Variants in TMEM59 observed in about 807,000 individuals in gnomAD.
The protein encoded by TMEM59 is transmembrane protein 59.
Under a neutral mutation model 42.2 loss-of-function variants are expected in TMEM59, and 44 were observed. The observed-to-expected ratio is 1.04, with a 90% confidence interval of 0.82 to 1.34. TMEM59 has a LOEUF of 1.34. Ranked by LOEUF, TMEM59 falls within the 40% of genes most tolerant of loss-of-function variation. The pLI is 0.00. For synonymous variants in TMEM59, 148 were observed against 145.8 expected, an observed-to-expected ratio of 1.02 and a Z score of -0.11; for missense variants, 359 against 382.8, an observed-to-expected ratio of 0.94 and a Z score of 0.52.
At chr1:54,046,694 A>T (rs1657349567) in intron 2 of TMEM59, among the ~76,000 whole-genome samples, 1 of 152,250 alleles carries the variant, frequency 6.6e-6, no homozygotes, top group Admixed American at 6.5e-5. Flanking sequence ...AAACAGTGTA[A>T]CGAGTGGAGA....
chr1:54,036,692 G>A lies in TMEM59; in HGVS notation c.734C>T (p.Thr245Ile). ...CAATACCATCACCGAGAGGACAAGA[G>A]TTGTAGTTAAAATCCACCCAGAGTT... ...SLNSGWILTTTLVLSVMVLLW... is the reference protein window; with the variant it reads ...SLNSGWILTTILVLSVMVLLW... The change falls in exon 7 of 8, where the codon ACT (threonine) becomes ATT (isoleucine). Residue 245 changes from threonine to isoleucine, a missense_variant. Thr to Ile is a moderately conservative substitution (Grantham distance 89, BLOSUM62 -1). Transcript: ENST00000234831. 6.2e-7 allele frequency: 1 copy of A among 1,603,036 alleles called. No individual in the cohort carries two copies. The highest frequency in any genetic ancestry group is 1.1e-5 in the South Asian group (1 of 89,014).
chr1:54,032,819 A>T (rs1656808483), intron 7 of TMEM59, among the ~76,000 whole-genome samples: 1 of 152,260 alleles, frequency 6.6e-6, no homozygotes, highest in South Asian at 2.1e-4. Context: ...GAAAGCATAA[A>T]ACAGAATCAC....
chr1:54,033,641 G>C (rs1029279541), intron 7 of TMEM59: 5 of 149,048 alleles, frequency 3.4e-5, no homozygotes, highest in African/African-American at 1.2e-4. Context: ...AGATTCTGTT[G>C]TTAATCTACT....
chr1:54,043,282 C>T, intron 4 of TMEM59, 91 bp downstream of exon 4: 1 of 1,112,810 alleles, frequency 9.0e-7, no homozygotes, highest in Non-Finnish European at 1.2e-6. Flanking sequence ...TTGTAAGTGA[C>T]TGAGTATGGT....
chr1:54,032,994 T>G (rs948224858), intron 7 of TMEM59: 1 of 151,804 alleles, frequency 6.6e-6, no homozygotes, highest in African/African-American at 2.4e-5. Flanking sequence ...GGTGTGATCA[T>G]AGCTCACTAC....
intron 3 of TMEM59, chr1:54,044,769 C>G (rs190016573): frequency 6.6e-6 from 1 of 152,084 alleles, no homozygotes; most frequent in Non-Finnish European, 1.5e-5. Flanking sequence ...TAGGAACAAC[C>G]TACATGTTCA....
At chr1:54,032,408 A>T in intron 7 of TMEM59, 103 bp from the exon 8 acceptor site, 1 of 1,139,694 alleles carries the variant, frequency 8.8e-7, no homozygotes, top group Non-Finnish European at 1.2e-6. Flanking sequence ...GGTAAAAAAA[A>T]TTCTATAAAC....
chr1:54,050,991 G>C (rs531306126), intron 1 of TMEM59, among the ~76,000 whole-genome samples: 2 of 151,854 alleles, frequency 1.3e-5, no homozygotes, highest in Non-Finnish European at 2.9e-5. Flanking sequence ...TGGGACTACA[G>C]GTGCTCGTCT....
At chr1:54,053,347 C>A (rs1557683300), upstream of TMEM59, 1 of 782,170 alleles carries the variant, frequency 1.3e-6, no homozygotes, top group Non-Finnish European at 2.0e-6. Context: ...CTGCCGCCTC[C>A]TGCCTCACCT....
rs1423870071 is a variant in TMEM59 at position 54,027,873 on chromosome 1, GA to G, written c.*4276del. ...AGAATTTAATTACCACAAGGAGTTA[GA>G]AAATCCACACTACCATCCAGCTTCC... is the stretch of plus-strand genomic sequence containing the variant. On this transcript the variant is annotated 3_prime_UTR_variant, in exon 8 of 8. Transcript: ENST00000234831. 1.3e-5 allele frequency: 2 copies of G among 152,138 alleles called. No homozygotes were observed. The allele number at this position is 152,138 out of a possible 1,614,324, so 9.4% of individuals were successfully genotyped here.
rs1370261280 is a variant in TMEM59 at position 54,031,654 on chromosome 1, A to G, written c.*496T>C. On this transcript the variant is annotated 3_prime_UTR_variant, in exon 8 of 8. Coordinates refer to ENST00000234831, the MANE Select transcript of TMEM59 (RefSeq NM_004872.5). ...AGGAGGGAAGGTCTAGAAAAATCAGATACTCAAATTTCAGCACATAATTAT... is the reference window on the plus strand; with the variant it reads ...AGGAGGGAAGGTCTAGAAAAATCAGGTACTCAAATTTCAGCACATAATTAT... 6.5e-6 allele frequency: 1 copy of G among 152,744 alleles called. No homozygotes were observed. Among genetic ancestry groups the G allele is most frequent in the Non-Finnish European group, 1.5e-5 (1 of 68,102 alleles). The allele number at this position is 152,744 out of a possible 1,614,324, so 9.5% of individuals were successfully genotyped here.
Position 54,029,112 on chromosome 1 carries a change from T to C in TMEM59, c.*3038A>G, listed in dbSNP as rs1656688744. On this transcript the variant is annotated 3_prime_UTR_variant, in exon 8 of 8. Transcript: ENST00000234831. Reference sequence around the variant, plus strand: ...AGACTAATAACAAAGGGTAAATTGTTTGCCTTTGGCTGGAAGATAAGCTCA... The same window carrying C: ...AGACTAATAACAAAGGGTAAATTGTCTGCCTTTGGCTGGAAGATAAGCTCA... The C allele has an allele frequency of 6.6e-6, 1 of 152,222 alleles. No homozygotes were observed. Among genetic ancestry groups the C allele is most frequent in the Non-Finnish European group, 1.5e-5 (1 of 68,036 alleles). 9.4% of individuals were successfully genotyped at this position (152,222 alleles called of 1,614,324 possible). A position where few individuals can be genotyped will look rare whatever the true frequency, so the allele number is the denominator to read the frequency against.
rs1656621561 is a variant in TMEM59, at chr1:54,027,029, G to A, written c.*5121C>T. 6.6e-6 allele frequency: 1 copy of A among 152,204 alleles called. No homozygotes were observed. Among genetic ancestry groups the A allele is most frequent in the Admixed American group, 6.5e-5 (1 of 15,284 alleles). 9.4% of individuals were successfully genotyped at this position (152,204 alleles called of 1,614,324 possible). A position where few individuals can be genotyped will look rare whatever the true frequency, so the allele number is the denominator to read the frequency against. The stretch of plus-strand genomic sequence containing the variant: ...ACAACCTCTAAACCAGGGGTCTGGT[G>A]AACTTGGATGGGAAAAATTTTAAAT... On this transcript the variant is annotated 3_prime_UTR_variant, in exon 8 of 8. Coordinates refer to ENST00000234831, the MANE Select transcript of TMEM59 (RefSeq NM_004872.5).
intron 1 of TMEM59, 193 bp from the exon 2 acceptor site, chr1:54,047,565 T>C (rs1657385086): frequency 4.0e-6 from 2 of 505,498 alleles, no homozygotes; most frequent in East Asian, 7.3e-5. Flanking sequence ...TAGTTCCTTA[T>C]TTTAAAAGTG....
At chr1:54,037,221 AT>A (rs1656982003) in intron 6 of TMEM59, among the ~76,000 whole-genome samples, 1 of 152,230 alleles carries the variant, frequency 6.6e-6, no homozygotes, top group Non-Finnish European at 1.5e-5. Flanking sequence ...TCAATTTGCC[AT>A]AATTTACTTA....
intron 1 of TMEM59, 96 bp from the exon 2 acceptor site, chr1:54,047,468 T>C: frequency 1.1e-6 from 1 of 950,832 alleles, no homozygotes; most frequent in Non-Finnish European, 1.6e-6. Flanking sequence ...GTAAAGTTTA[T>C]TACAAATCGT....
chr1:54,050,825 G>A (rs894796779), intron 1 of TMEM59, among the ~76,000 whole-genome samples: 3 of 150,834 alleles, frequency 2.0e-5, no homozygotes, highest in Non-Finnish European at 3.0e-5. Flanking sequence ...GCTTCCCAAA[G>A]TGCTGGGATT....
Position 54,043,390 on chromosome 1 carries a change from T to C in TMEM59, c.526A>G (p.Lys176Glu), listed in dbSNP as rs780369326. The change falls in exon 4 of 8, where the codon AAA becomes GAA. Residue 176 changes from lysine to glutamate, a missense_variant. Lys to Glu is a moderately conservative substitution (Grantham distance 56). Coordinates refer to ENST00000234831, the MANE Select transcript of TMEM59 (RefSeq NM_004872.5). ...GTTGTCACCTGGAATATAACTATTT[T>C]TCCGTCATCGGCTTGAAGATAAAAA... ...WTFYLQADDGKIVIFQSKPEI... is the reference protein window; with the variant it reads ...WTFYLQADDGEIVIFQSKPEI... The C allele has an allele frequency of 1.4e-5, 22 of 1,550,950 alleles. No homozygotes were observed. The South Asian group carries it at 2.5e-4, about 18-fold the overall frequency.
chr1:54,051,213 T>C (rs1170748419), intron 1 of TMEM59, among the ~76,000 whole-genome samples: 1 of 152,208 alleles, frequency 6.6e-6, no homozygotes, highest in Non-Finnish European at 1.5e-5. Flanking sequence ...AGTTTTAAGC[T>C]GAATTCCTGC....
Sources: gnomAD v4.1 joint callset for allele counts (sites outside exome capture counted in the v4.1 genomes callset) on GRCh38, gnomAD v4.1.1 for gene constraint, MANE v1.5 for transcripts, NCBI Gene and HGNC (gene_info 2026-07-23, HGNC 2026-07-21) for gene names.